The following EOLA1 variants were observed in gnomAD, a reference collection of about 807,000 sequenced individuals.
EOLA1 encodes the protein endothelium and lymphocyte associated ASCH domain 1.
A neutral mutation model predicts 4.5 loss-of-function variants in EOLA1; 1 was observed. The observed-to-expected ratio is 0.22, with a 90% CI of 0.08 to 1.05. The LOEUF is 1.05. Ranked by LOEUF, EOLA1 falls within the 50% of genes least tolerant of loss-of-function variation. The pLI, the probability that EOLA1 is intolerant of heterozygous loss-of-function variation, is 0.57. For synonymous variants in EOLA1, 37 were observed against 52.3 expected, an observed-to-expected ratio of 0.71 and a Z score of 1.26; for missense variants, 69 against 127.2, an observed-to-expected ratio of 0.54 and a Z score of 2.20.
chrX:149,546,947 G>C lies in EOLA1; in HGVS notation c.462G>C (p.Leu154Phe), dbSNP rs2089861559. The C allele has an allele frequency of 8.3e-7, 1 of 1,200,811 alleles. No homozygotes were observed. Among genetic ancestry groups the C allele is most frequent in the African/African-American group, 1.8e-5 (1 of 56,075 alleles). ...QVDIPEHLIP[L>F]GHEV is the part of the protein sequence containing the mutation. ...ACATCCCAGAGCACCTGATCCCTTT[G>C]GGGCATGAAGTGTGACAAGTGTGGG... is the stretch of plus-strand genomic sequence containing the variant. Residue 154 changes from leucine to phenylalanine, a missense_variant, in exon 5 of 5, where the codon TTG becomes TTC. Transcript: ENST00000393985.
intron 2 of EOLA1, chrX:149,544,450 G>T (rs2089795496): frequency 1.4e-6 from 1 of 694,189 alleles, no homozygotes; most frequent in South Asian, 7.3e-5. Context: ...CAGCTCAAGG[G>T]TGGAGTTCAG....
chrX:149,549,327 G>C (rs1334563055), downstream of EOLA1: 1 of 1,110,151 alleles, frequency 9.0e-7, no homozygotes, highest in African/African-American at 1.9e-5. Context: ...AGATATGTTT[G>C]AGAAAGAGAG....
intron 2 of EOLA1, chrX:149,544,880 G>A (rs1557347234): frequency 2.7e-6 from 2 of 752,364 alleles, no homozygotes; most frequent in Admixed American, 8.7e-5. Flanking sequence ...GCACGTGGAA[G>A]GCATGTGTGT....
chrX:149,543,735 G>C (rs1256690621), intron 2 of EOLA1, among the ~76,000 whole-genome samples: 1 of 89,207 alleles, frequency 1.1e-5, no homozygotes, highest in African/African-American at 4.3e-5. Context: ...AGGTGGACTT[G>C]GTGGTGATGG....
At chrX:149,540,634 G>T (rs367746961), upstream of EOLA1, 2 of 98,036 alleles carry the variant, frequency 2.0e-5, no homozygotes, top group African/African-American at 7.7e-5. Flanking sequence ...CCTCCCTGCT[G>T]GTATAGCAGC....
chrX:149,553,418 CTG>C (rs1321328449), downstream of EOLA1, among the ~76,000 whole-genome samples: 1 of 3,987 alleles, frequency 2.5e-4, no homozygotes, highest in Non-Finnish European at 3.9e-4. Context: ...TCTGAGCACA[CTG>C]TGAACTTCCT....
At position 149,547,076 on chromosome X, in the gene EOLA1, G is replaced by T; in HGVS notation, c.*114G>T. 8.8e-7 allele frequency: 1 copy of T among 1,142,614 alleles called. No individual in the cohort carries two copies. 94.2% of individuals were successfully genotyped at this position (1,142,614 alleles called of 1,213,427 possible). A position where few individuals can be genotyped will look rare whatever the true frequency, so the allele number is the denominator to read the frequency against. ...ATTAGGTTAAATCTGAATTTCCACT[G>T]CTTTGGAGAGTCCCACCCACTAAGC... On this transcript the variant is annotated 3_prime_UTR_variant, in exon 5 of 5. Coordinates refer to ENST00000393985, the MANE Select transcript of EOLA1 (RefSeq NM_001171907.3).
chrX:149,542,293 G>A (rs1462081192), intron 2 of EOLA1, among the ~76,000 whole-genome samples: 4 of 111,497 alleles, frequency 3.6e-5, no homozygotes, highest in Non-Finnish European at 7.5e-5. Flanking sequence ...GGGACATTCA[G>A]CCTCCATCAG....
intron 2 of EOLA1, among the ~76,000 whole-genome samples, chrX:149,543,748 G>C (rs1183450512): frequency 1.1e-5 from 1 of 88,881 alleles, no homozygotes; most frequent in Non-Finnish European, 2.3e-5. Context: ...GGTGATGGTT[G>C]GGGTCCTGAG....
chrX:149,544,715 C>T, intron 2 of EOLA1: 1 of 753,040 alleles, frequency 1.3e-6, no homozygotes, highest in Non-Finnish European at 1.6e-6. Context: ...ACGCAGGAGG[C>T]TGGGCAAGAG....
chrX:149,541,498 C>T (rs1257555487), intron 1 of EOLA1, 155 bp downstream of exon 1: 1 of 112,637 alleles, frequency 8.9e-6, no homozygotes, highest in Non-Finnish European at 1.9e-5. Flanking sequence ...GTAGAAAGCC[C>T]GTGTACTGCT....
intron 1 of EOLA1, 166 bp from the exon 2 acceptor site, chrX:149,541,853 G>A (rs2089736349): frequency 2.8e-6 from 2 of 703,416 alleles, no homozygotes; most frequent in Admixed American, 8.6e-5. Context: ...GCTGTGATTA[G>A]CAGAACCAAA....
chrX:149,545,297 T>G, intron 2 of EOLA1, 71 bp from the exon 3 acceptor site: 1 of 907,747 alleles, frequency 1.1e-6, no homozygotes, highest in Non-Finnish European at 1.4e-6. Flanking sequence ...CTGTCCTCTG[T>G]GTTGCCCTAG....
In EOLA1 at chrX:149,546,892, G is replaced by C. The variant is rs2089859343; in HGVS notation, c.407G>C (p.Arg136Thr). ...AGGTGGTTACTGGAGCCCATACCTA[G>C]GAAAGGAGGCAAGGATGTATTCCAG... Reference protein sequence around the residue: ...NPRWLLEPIPRKGGKDVFQVD... With the variant: ...NPRWLLEPIPTKGGKDVFQVD... The change falls in exon 5 of 5, where the codon AGG becomes ACG. Residue 136 changes from arginine (R) to threonine (T), a missense_variant. Physicochemically the swap from Arg to Thr is moderately conservative, Grantham distance 71. Transcript: ENST00000393985. 8.3e-7 allele frequency: 1 copy of C among 1,206,306 alleles called. No individual in the cohort carries two copies.
intron 2 of EOLA1, chrX:149,545,060 C>G: frequency 2.9e-6 from 2 of 696,543 alleles, no homozygotes; most frequent in Non-Finnish European, 3.4e-6. Flanking sequence ...CACGGTGCAT[C>G]CTGAGGACAG....
At position 149,546,733 on chromosome X, in the gene EOLA1, G is replaced by T; in HGVS notation, c.254-6G>T. On this transcript the variant is annotated splice_region_variant and splice_polypyrimidine_tract_variant and intron_variant, in intron 4 of 4. Transcript: ENST00000393985. ...GGCATTCATGTGTATCTCTCTTTGT[G>T]TACAGGACTCGTTGACATTGGGGAA... is the stretch of plus-strand genomic sequence containing the variant. 2.5e-6 allele frequency: 3 copies of T among 1,194,988 alleles called. No individual in the cohort carries two copies. The South Asian group carries it at 5.5e-5, about 22-fold the overall frequency.
At chrX:149,545,118 G>A in intron 2 of EOLA1, 1 of 533,742 alleles carries the variant, frequency 1.9e-6, no homozygotes, top group Non-Finnish European at 2.3e-6. Context: ...CCTGGAGTAG[G>A]AGCTGGGAAG....
intron 4 of EOLA1, 117 bp downstream of exon 4, chrX:149,546,000 T>C (rs2089837170): frequency 2.4e-6 from 2 of 847,904 alleles, no homozygotes; most frequent in East Asian, 6.8e-5. Flanking sequence ...TAACACAGTT[T>C]CCTTTGGCAA....
chrX:149,545,985 G>A (rs1295637856), intron 4 of EOLA1, 102 bp downstream of exon 4: 57 of 909,678 alleles, frequency 6.3e-5, no homozygotes, highest in Middle Eastern at 3.0e-4. Context: ...ACTGATTGGC[G>A]TGTATAACAC....
Sources: gnomAD v4.1 joint callset for allele counts (sites outside exome capture counted in the v4.1 genomes callset) on GRCh38, gnomAD v4.1.1 for gene constraint, MANE v1.5 for transcripts, NCBI Gene and HGNC (gene_info 2026-07-23, HGNC 2026-07-21) for gene names.